The following PGM1 variants were observed in gnomAD, a reference collection of about 807,000 sequenced individuals.
PGM1 encodes the protein phosphoglucomutase 1, also known as phosphoglucomutase-1.
Under a neutral mutation model 55.6 loss-of-function variants are expected in PGM1, and 52 were observed. The observed-to-expected ratio is 0.94, with a 90% confidence interval of 0.75 to 1.18. The LOEUF is 1.18. Among genes scored for constraint, PGM1 ranks in the 50% most tolerant of loss-of-function variants. PGM1 has a pLI of 0.00. For synonymous variants in PGM1, 287 were observed against 271.7 expected, an observed-to-expected ratio of 1.06 and a Z score of -0.55; for missense variants, 724 against 729.3, an observed-to-expected ratio of 0.99 and a Z score of 0.08.
At chr1:63,604,780 AGTACTCAGT>A (rs1648364418) in intron 1 of PGM1, among the ~76,000 whole-genome samples, 1 of 152,118 alleles carries the variant, frequency 6.6e-6, no homozygotes, top group Admixed American at 6.6e-5. Flanking sequence ...TTACCCAGTC[AGTACTCAGT>A]GTTCATAGTT....
intron 10 of PGM1, among the ~76,000 whole-genome samples, chr1:63,657,916 T>C (rs1179948104): frequency 1.3e-5 from 2 of 152,230 alleles, no homozygotes; most frequent in Non-Finnish European, 2.9e-5. Context: ...GAAATTGTGT[T>C]TGTCTTTTGA....
At chr1:63,651,049 T>C (rs1287342148) in intron 8 of PGM1, among the ~76,000 whole-genome samples, 2 of 152,024 alleles carry the variant, frequency 1.3e-5, no homozygotes, top group African/African-American at 2.4e-5. Context: ...GTTCTGCACA[T>C]GTATCTTGAA....
At chr1:63,611,147 T>C (rs1648553961) in intron 1 of PGM1, among the ~76,000 whole-genome samples, 1 of 152,092 alleles carries the variant, frequency 6.6e-6, no homozygotes, top group African/African-American at 2.4e-5. Flanking sequence ...TGCAATATAG[T>C]GTGAGAAGTG....
At chr1:63,654,205 TATCAAGGA>T in intron 9 of PGM1, 119 bp from the exon 10 acceptor site, 1 of 941,086 alleles carries the variant, frequency 1.1e-6, no homozygotes, top group African/African-American at 1.6e-5. Flanking sequence ...TGCTGCCATT[TATCAAGGA>T]TTTAACCCTC....
Position 63,654,357 on chromosome 1 carries a change from G to T in PGM1, c.1490G>T (p.Gly497Val). The change falls in exon 10 of 11, where the codon GGT becomes GTT. Residue 497 changes from glycine (G) to valine (V), a missense_variant. Transcript: ENST00000371084. ...GGCTTGCGCCTCATTTTCACAGATG[G>T]TTCTCGAATCGTCTTCCGACTGAGC... ...NQGLRLIFTD[G>V]SRIVFRLSGT... 1 of 1,614,044 alleles carries T rather than the reference G, an allele frequency of 6.2e-7. No homozygotes were observed. The highest frequency in any genetic ancestry group is 2.2e-5 in the East Asian group (1 of 44,874).
Position 63,654,475 on chromosome 1 carries a change from C to T in PGM1, c.1599+9C>T, listed in dbSNP as rs115864084. 4,240 of 1,613,690 alleles carry T rather than the reference C, an allele frequency of 2.6e-3. 103 individuals carry two copies. In the African/African-American group the frequency reaches 0.051, roughly 19 times the overall value. On this transcript the variant is annotated intron_variant, in intron 10 of 10. Transcript: ENST00000371084. Reference sequence around the variant, plus strand: ...TTAACCAGGACCCCCAGGTAACGCCCAGCCCTGTGCCCTGGTTAGTTCTTT... The same window carrying T: ...TTAACCAGGACCCCCAGGTAACGCCTAGCCCTGTGCCCTGGTTAGTTCTTT...
At chr1:63,630,296 C>T (rs1474332362) in intron 3 of PGM1, among the ~76,000 whole-genome samples, 13 of 152,166 alleles carry the variant, frequency 8.5e-5, no homozygotes, top group Non-Finnish European at 1.9e-4. Context: ...GGATCAGCTG[C>T]ATGACATCGA....
chr1:63,599,965 TA>T (rs1318548950), intron 1 of PGM1: 12 of 152,168 alleles, frequency 7.9e-5, no homozygotes, highest in Admixed American at 7.2e-4. Context: ...AAGAAACACA[TA>T]GACATACAAA....
At position 63,593,677 on chromosome 1, in the gene PGM1, C is replaced by T. The variant is rs1333435578; in HGVS notation, c.189C>T (p.Gly63=). 6.2e-7 allele frequency: 1 copy of T among 1,606,040 alleles called. No homozygotes were observed. The highest frequency in any genetic ancestry group is 2.2e-5 in the East Asian group (1 of 44,526). ...QEATLVVGGD[G]RFYMKEAIQL... is the part of the protein sequence containing the mutation. ...CCACGCTGGTGGTGGGCGGGGACGG[C>T]CGGTTCTACATGAAGGAGGCCATCC... is the stretch of plus-strand genomic sequence containing the variant. Residue 63 remains glycine, a synonymous_variant, in exon 1 of 11, where the codon GGC becomes GGT. Coordinates refer to ENST00000371084, the MANE Select transcript of PGM1 (RefSeq NM_002633.3).
intron 1 of PGM1, among the ~76,000 whole-genome samples, chr1:63,606,675 T>C (rs1648427809): frequency 6.6e-6 from 1 of 152,244 alleles, no homozygotes. Flanking sequence ...ATCAGTCTTA[T>C]TCTGGGTGTC....
At chr1:63,634,746 A>C (rs1410869094) in intron 4 of PGM1, 83 bp from the exon 5 acceptor site, 1 of 1,154,104 alleles carries the variant, frequency 8.7e-7, no homozygotes, top group African/African-American at 1.5e-5. Context: ...CCCAGAATGC[A>C]TCCACCTCAC....
At chr1:63,641,741 TA>T (rs1649523731) in intron 7 of PGM1, among the ~76,000 whole-genome samples, 1 of 152,194 alleles carries the variant, frequency 6.6e-6, no homozygotes, top group African/African-American at 2.4e-5. Context: ...GTTATTTGAT[TA>T]ATGTCTGTTG....
chr1:63,639,388 G>C (rs1040558240), intron 7 of PGM1, among the ~76,000 whole-genome samples: 2 of 151,964 alleles, frequency 1.3e-5, no homozygotes, highest in Non-Finnish European at 2.9e-5. Flanking sequence ...AGGGTACATA[G>C]TATTCTCAGG....
At chr1:63,623,402 T>C in intron 1 of PGM1, 2 of 1,568,204 alleles carry the variant, frequency 1.3e-6, no homozygotes, top group Non-Finnish European at 1.7e-6. Flanking sequence ...CAGACCTATT[T>C]TGGAGTCCCT....
In PGM1 at chr1:63,629,489, G is replaced by T. The variant is rs1454005907; in HGVS notation, c.311G>T (p.Arg104Ile). Residue 104 changes from arginine (R) to isoleucine (I), a missense_variant, in exon 2 of 11, where the codon AGA (arginine) becomes ATA (isoleucine). By Grantham distance (97) the Arg-to-Ile change is moderately conservative. This residue lies in a region of PGM1 where 379 missense variants were observed against 357.5 expected (regional missense o/e 1.06). Coordinates refer to ENST00000371084, the MANE Select transcript of PGM1 (RefSeq NM_002633.3). ...LSTPAVSCIIRKIKAIGGIIL... is the reference protein window; with the variant it reads ...LSTPAVSCIIIKIKAIGGIIL... Reference sequence around the variant, plus strand: ...ACCCCTGCTGTATCCTGCATCATTAGAAAAATCAAAGCCATTGGTGGGATC... The same window carrying T: ...ACCCCTGCTGTATCCTGCATCATTATAAAAATCAAAGCCATTGGTGGGATC... 4 of 1,613,696 alleles carry T rather than the reference G, an allele frequency of 2.5e-6. No individual in the cohort carries two copies. The highest frequency in any genetic ancestry group is 3.4e-6 in the Non-Finnish European group (4 of 1,179,698).
intron 1 of PGM1, among the ~76,000 whole-genome samples, chr1:63,610,375 TAAAAA>T (rs199952486): frequency 3.4e-5 from 5 of 148,664 alleles, no homozygotes; most frequent in East Asian, 2.0e-4. Flanking sequence ...TAAAGAATAA[TAAAAA>T]AAAAAGTTAC....
chr1:63,658,679 G>C (rs2101006935), intron 10 of PGM1, among the ~76,000 whole-genome samples: 1 of 151,692 alleles, frequency 6.6e-6, no homozygotes, highest in African/African-American at 2.4e-5. Flanking sequence ...TTGAACCTGG[G>C]AGCCAGAGAT....
chr1:63,633,934 T>TATA (rs1649287176), intron 4 of PGM1, among the ~76,000 whole-genome samples: 9 of 30,856 alleles, frequency 2.9e-4, no homozygotes, highest in African/African-American at 4.1e-4. Context: ...ATATATATAT[T>TATA]TTTTTTTTTT....
At chr1:63,632,740 C>T (rs1649230066) in intron 4 of PGM1, among the ~76,000 whole-genome samples, 3 of 152,156 alleles carry the variant, frequency 2.0e-5, no homozygotes, top group South Asian at 4.1e-4. Context: ...GGGTCGGGCG[C>T]GGTGGCTCAC....
Sources: allele counts gnomAD v4.1 joint callset (sites outside exome capture counted in the v4.1 genomes callset), GRCh38; gene constraint gnomAD v4.1.1; regional missense constraint gnomAD v4.1.1; transcripts MANE v1.5; gene names NCBI Gene and HGNC (gene_info 2026-07-23, HGNC 2026-07-21).